The following HHAT variants were observed in gnomAD, a reference collection of about 807,000 sequenced individuals.
The protein encoded by HHAT is hedgehog acyltransferase, also known as protein-cysteine N-palmitoyltransferase HHAT.
In HHAT, 47 loss-of-function variants were observed where a neutral mutation model predicts 70.8. The ratio of observed to expected loss-of-function variants is 0.66; its 90% CI spans 0.53 to 0.85. The LOEUF (loss-of-function observed/expected upper bound fraction) is 0.85, where lower values mean the gene tolerates loss of function less well. Ranked by LOEUF, HHAT falls within the 40% of genes least tolerant of loss-of-function variation. The pLI, the probability that HHAT is intolerant of heterozygous loss-of-function variation, is 0.00. For missense variants in HHAT, 609 were observed against 604.8 expected, an observed-to-expected ratio of 1.01 and a Z score of -0.07; for synonymous variants, 228 against 247.6, an observed-to-expected ratio of 0.92 and a Z score of 0.74.
intron 8 of HHAT, among the ~76,000 whole-genome samples, chr1:210,471,825 A>C (rs947903254): frequency 1.3e-5 from 2 of 152,220 alleles, no homozygotes; most frequent in African/African-American, 4.8e-5. Context: ...CAAATAATTT[A>C]GTGAGAAGTT....
chr1:210,405,323 G>GT (rs2092285882), intron 6 of HHAT, among the ~76,000 whole-genome samples: 1 of 151,652 alleles, frequency 6.6e-6, no homozygotes, highest in East Asian at 1.9e-4. Flanking sequence ...TTTCCCCCTT[G>GT]TTTAGAACTT....
At position 210,474,822 on chromosome 1, in the gene HHAT, GTT is replaced by G. The variant is rs71743746; in HGVS notation, c.1007+10179_1007+10180del. On this transcript the variant is annotated intron_variant, in intron 8 of 11. Transcript: ENST00000261458. The stretch of plus-strand genomic sequence containing the variant: ...TTCCTAACTTGGCCTCACCTCAGGT[GTT>G]TTTTTTTTTTTCCGTTTTTTTTGTT... Among the ~76,000 whole-genome samples the G allele has an allele frequency of 8.4e-5, 12 of 142,252 alleles. No individual in the cohort carries two copies. The East Asian group carries it at 1.2e-3, about 15-fold the overall frequency. The allele number at this position is 142,252 out of a possible 152,430, so 93.3% of individuals were successfully genotyped here.
At chr1:210,637,414 G>A (rs1672079710) in intron 11 of HHAT, among the ~76,000 whole-genome samples, 1 of 152,090 alleles carries the variant, frequency 6.6e-6, no homozygotes, top group Non-Finnish European at 1.5e-5. Flanking sequence ...GATCAATTGG[G>A]TGTCATCAAA....
intron 10 of HHAT, among the ~76,000 whole-genome samples, chr1:210,598,787 G>GT (rs1663590323): frequency 6.6e-6 from 1 of 152,224 alleles, no homozygotes. Flanking sequence ...ACCAGGTACT[G>GT]TGATGCTCAT....
chr1:210,371,888 C>T (rs989266912), intron 3 of HHAT, among the ~76,000 whole-genome samples: 6 of 152,060 alleles, frequency 3.9e-5, no homozygotes, highest in South Asian at 4.2e-4. Context: ...TGAGGGAGTT[C>T]GATGCAAAGA....
intron 9 of HHAT, among the ~76,000 whole-genome samples, chr1:210,548,404 T>A (rs2095501945): frequency 6.6e-6 from 1 of 152,098 alleles, no homozygotes; most frequent in African/African-American, 2.4e-5. Context: ...AAATAGTAGG[T>A]GTTTAATAAG....
intron 11 of HHAT, among the ~76,000 whole-genome samples, chr1:210,661,748 G>A (rs1677776852): frequency 6.6e-6 from 1 of 152,190 alleles, no homozygotes; most frequent in Non-Finnish European, 1.5e-5. Flanking sequence ...CATGTCCTTT[G>A]TAGGGACATG....
intron 10 of HHAT, among the ~76,000 whole-genome samples, chr1:210,621,841 T>C (rs1218690588): frequency 2.0e-5 from 3 of 152,192 alleles, no homozygotes; most frequent in African/African-American, 4.8e-5. Context: ...GACATCTCAC[T>C]GTCCACTGCA....
At chr1:210,501,584 G>C (rs1468206625) in intron 8 of HHAT, among the ~76,000 whole-genome samples, 1 of 152,226 alleles carries the variant, frequency 6.6e-6, no homozygotes, top group African/African-American at 2.4e-5. Flanking sequence ...CACTGCAGAA[G>C]CAGCTAACAA....
intron 7 of HHAT, among the ~76,000 whole-genome samples, chr1:210,453,938 C>T (rs1392458234): frequency 6.6e-6 from 1 of 152,186 alleles, no homozygotes; most frequent in African/African-American, 2.4e-5. Flanking sequence ...TACAGTTTCA[C>T]ATGGCTGGGG....
intron 9 of HHAT, among the ~76,000 whole-genome samples, chr1:210,515,810 G>A (rs1325038545): frequency 6.7e-6 from 1 of 150,210 alleles, no homozygotes; most frequent in East Asian, 2.0e-4. Flanking sequence ...GCTCATGCCT[G>A]TAATCCCAGC....
intron 9 of HHAT, among the ~76,000 whole-genome samples, chr1:210,562,448 A>T (rs1378895488): frequency 6.6e-6 from 1 of 151,696 alleles, no homozygotes; most frequent in Non-Finnish European, 1.5e-5. Flanking sequence ...TCCTGAGGCC[A>T]TTCATGATTT....
intron 6 of HHAT, among the ~76,000 whole-genome samples, chr1:210,405,002 GA>G (rs772636148): frequency 2.4e-4 from 37 of 152,136 alleles, no homozygotes; most frequent in Non-Finnish European, 4.3e-4. Flanking sequence ...CCCAAGGAAA[GA>G]AAAAAATTTG....
At chr1:210,609,271 ATC>A (rs1489897896) in intron 10 of HHAT, among the ~76,000 whole-genome samples, 2 of 152,166 alleles carry the variant, frequency 1.3e-5, no homozygotes, top group African/African-American at 2.4e-5. Flanking sequence ...TTGTTATATA[ATC>A]TCCAAAGATT....
chr1:210,331,025 G>T (rs757555909), intron 1 of HHAT, among the ~76,000 whole-genome samples: 8 of 152,008 alleles, frequency 5.3e-5, no homozygotes, highest in Non-Finnish European at 1.0e-4. Flanking sequence ...TGTCAACCAG[G>T]CTGGTCTCAA....
chr1:210,350,735 A>G (rs2086946221), intron 2 of HHAT, among the ~76,000 whole-genome samples: 1 of 152,078 alleles, frequency 6.6e-6, no homozygotes. Context: ...AATCTTATAT[A>G]CCTTTTCTTT....
chr1:210,614,018 CAAAAAA>C (rs55874321), intron 10 of HHAT, among the ~76,000 whole-genome samples: 60 of 111,556 alleles, frequency 5.4e-4, no homozygotes, highest in African/African-American at 1.6e-3. Flanking sequence ...GACCCTGCCT[CAAAAAA>C]AAAAAAAAAA....
chr1:210,507,067 CTG>C (rs2094868836), intron 8 of HHAT, among the ~76,000 whole-genome samples: 1 of 152,128 alleles, frequency 6.6e-6, no homozygotes, highest in African/African-American at 2.4e-5. Flanking sequence ...TTAAATGAGT[CTG>C]TGGTTGAATA....
chr1:210,459,057 T>C (rs377272400), intron 7 of HHAT, among the ~76,000 whole-genome samples: 1 of 152,312 alleles, frequency 6.6e-6, no homozygotes, highest in East Asian at 1.9e-4. Context: ...ATTCTGTTTT[T>C]GATGAGCTGA....
Sources: allele counts gnomAD v4.1 joint callset (sites outside exome capture counted in the v4.1 genomes callset), GRCh38; gene constraint gnomAD v4.1.1; transcripts MANE v1.5; gene names NCBI Gene and HGNC (gene_info 2026-07-23, HGNC 2026-07-21).